CDYL: variants seen among roughly 807,000 people sequenced by gnomAD.
The protein encoded by CDYL is chromodomain Y-like protein.
A neutral mutation model predicts 47.3 loss-of-function variants in CDYL; 8 were observed. The ratio of observed to expected loss-of-function variants is 0.17; its 90% CI spans 0.10 to 0.31. CDYL has a LOEUF of 0.31. CDYL is among the 10% of genes least tolerant of loss of function. CDYL has a pLI of 1.00. For missense variants in CDYL, 471 were observed against 701.4 expected (o/e 0.67, Z 3.71); for synonymous variants, 266 against 265.0 (o/e 1.00, Z -0.04).
chr6:4,870,474 G>T (rs1047395324), intron 1 of CDYL, among the ~76,000 whole-genome samples: 5 of 152,092 alleles, frequency 3.3e-5, no homozygotes, highest in African/African-American at 1.2e-4. Flanking sequence ...AGTAATATAT[G>T]TCTAAGAATC....
At chr6:4,846,278 G>C (rs999539110) in intron 1 of CDYL, among the ~76,000 whole-genome samples, 1 of 151,886 alleles carries the variant, frequency 6.6e-6, no homozygotes, top group Admixed American at 6.6e-5. Context: ...CAGGGTGCAC[G>C]GCAAATGTGG....
Position 4,813,723 on chromosome 6 carries a change from G to T in CDYL, c.24+36916G>T, listed in dbSNP as rs140799684. Reference sequence around the variant, plus strand: ...GATGTTTTGGTGGAATTTGCCTCAAGTTTCTATCTCAGACTTGTAAACAGA... The same window carrying T: ...GATGTTTTGGTGGAATTTGCCTCAATTTTCTATCTCAGACTTGTAAACAGA... On this transcript the variant is annotated intron_variant, in intron 1 of 6. Coordinates refer to ENST00000397588, the MANE Select transcript of CDYL (RefSeq NM_004824.4). Among the ~76,000 whole-genome samples, 622 of 151,726 alleles carry T rather than the reference G, an allele frequency of 4.1e-3. 1 individual carries two copies. Among genetic ancestry groups the T allele is most frequent in the African/African-American group, 0.014 (581 of 41,368 alleles).
chr6:4,767,985 T>C (rs1758281271), intron 3 of CDYL, among the ~76,000 whole-genome samples: 1 of 152,248 alleles, frequency 6.6e-6, no homozygotes, highest in Admixed American at 6.5e-5. Flanking sequence ...AGTCAGATTA[T>C]TGATGAAGAG....
intron 1 of CDYL, chr6:4,715,651 T>C (rs1426310369): frequency 4.7e-6 from 6 of 1,283,536 alleles, no homozygotes; most frequent in African/African-American, 3.0e-5. Context: ...AGATTCAATG[T>C]AGAACTGGTG....
At chr6:4,794,278 A>T (rs142729729) in intron 1 of CDYL, among the ~76,000 whole-genome samples, 1 of 152,104 alleles carries the variant, frequency 6.6e-6, no homozygotes, top group African/African-American at 2.4e-5. Context: ...GTGCACTGGA[A>T]GAAAACCTCA....
At chr6:4,711,642 C>T (rs530647589) in intron 1 of CDYL, among the ~76,000 whole-genome samples, 4 of 152,190 alleles carry the variant, frequency 2.6e-5, no homozygotes, top group Admixed American at 6.5e-5. Flanking sequence ...CATTTCTGGA[C>T]TTATTGCTGA....
chr6:4,712,866 ATG>A (rs1399780444), intron 1 of CDYL, among the ~76,000 whole-genome samples: 1 of 152,212 alleles, frequency 6.6e-6, no homozygotes, highest in Non-Finnish European at 1.5e-5. Flanking sequence ...TGTACCAAGT[ATG>A]TGAGCCTGGG....
intron 3 of CDYL, among the ~76,000 whole-genome samples, chr6:4,757,699 T>C (rs1296989134): frequency 1.3e-5 from 2 of 152,248 alleles, no homozygotes; most frequent in African/African-American, 4.8e-5. Flanking sequence ...ATTTTTCGTA[T>C]AACTTTTGAA....
intron 3 of CDYL, among the ~76,000 whole-genome samples, chr6:4,755,223 C>T (rs558076482): frequency 3.8e-4 from 55 of 143,368 alleles, no homozygotes; most frequent in African/African-American, 1.5e-3. Context: ...ACCATGCCCA[C>T]CTAATTTTTT....
At chr6:4,897,660 T>C (rs1762321542) in intron 2 of CDYL, among the ~76,000 whole-genome samples, 1 of 152,094 alleles carries the variant, frequency 6.6e-6, no homozygotes, top group Non-Finnish European at 1.5e-5. Flanking sequence ...CTCACACTTG[T>C]AATCCCAGCG....
chr6:4,862,358 C>T (rs1206361435), intron 1 of CDYL, among the ~76,000 whole-genome samples: 1 of 152,150 alleles, frequency 6.6e-6, no homozygotes, highest in Non-Finnish European at 1.5e-5. Flanking sequence ...TGGCTTAAGC[C>T]TATAAAGTAG....
At chr6:4,804,648 C>G (rs143644201) in intron 1 of CDYL, among the ~76,000 whole-genome samples, 1 of 152,184 alleles carries the variant, frequency 6.6e-6, no homozygotes, top group Non-Finnish European at 1.5e-5. Context: ...GGTTTCTAGA[C>G]CCTGGCACTG....
chr6:4,828,232 G>GT (rs571294927), intron 1 of CDYL, among the ~76,000 whole-genome samples: 11,302 of 134,374 alleles, frequency 0.084, 554 homozygotes, highest in South Asian at 0.15. Context: ...CTTTTAACAG[G>GT]TTTTTTTTTT....
At chr6:4,758,419 G>T (rs1260451544) in intron 3 of CDYL, among the ~76,000 whole-genome samples, 1 of 150,146 alleles carries the variant, frequency 6.7e-6, no homozygotes, top group African/African-American at 2.5e-5. Flanking sequence ...CCAGCACTTT[G>T]GGAGGCAGAG....
chr6:4,756,728 CAAT>C (rs1330284584), intron 3 of CDYL, among the ~76,000 whole-genome samples: 1 of 151,836 alleles, frequency 6.6e-6, no homozygotes, highest in Non-Finnish European at 1.5e-5. Flanking sequence ...ATTCTACAAA[CAAT>C]ATAGTATTCA....
intron 3 of CDYL, among the ~76,000 whole-genome samples, chr6:4,768,479 GCT>G (rs1391287304): frequency 3.9e-5 from 6 of 152,146 alleles, no homozygotes; most frequent in Non-Finnish European, 8.8e-5. Flanking sequence ...AACTGAAAGA[GCT>G]CCCGGTGGCC....
intron 1 of CDYL, among the ~76,000 whole-genome samples, chr6:4,837,808 C>G (rs1019047398): frequency 1.3e-5 from 2 of 152,030 alleles, no homozygotes; most frequent in African/African-American, 2.4e-5. Flanking sequence ...GAGTCTTGCT[C>G]TGTCGCCCAG....
intron 1 of CDYL, among the ~76,000 whole-genome samples, chr6:4,844,757 A>T (rs1191201151): frequency 6.6e-6 from 1 of 152,084 alleles, no homozygotes; most frequent in Non-Finnish European, 1.5e-5. Flanking sequence ...GTGCTGAGGT[A>T]AGGTAGCTTA....
At chr6:4,921,989 T>C (rs938129453) in intron 2 of CDYL, among the ~76,000 whole-genome samples, 1 of 152,116 alleles carries the variant, frequency 6.6e-6, no homozygotes, top group Non-Finnish European at 1.5e-5. Flanking sequence ...TGCTAGTTCG[T>C]TTTTCACGTA....
Sources: allele counts gnomAD v4.1 joint callset (sites outside exome capture counted in the v4.1 genomes callset), GRCh38; gene constraint gnomAD v4.1.1; transcripts MANE v1.5; gene names NCBI Gene and HGNC (gene_info 2026-07-23, HGNC 2026-07-21).